The following SLC30A8 variants were observed in gnomAD, a reference collection of about 807,000 sequenced individuals.
SLC30A8 encodes the protein proton-coupled zinc antiporter SLC30A8.
A neutral mutation model predicts 36.9 loss-of-function variants in SLC30A8; 27 were observed. The observed-to-expected ratio is 0.73, with a 90% CI of 0.54 to 1.01. The LOEUF is 1.01. SLC30A8 is among the 50% of genes least tolerant of loss of function. The probability of loss-of-function intolerance (pLI) is 0.00; values close to 1 mark genes in which losing one functional copy is unlikely to be tolerated. For synonymous variants in SLC30A8, 164 were observed against 172.4 expected, an observed-to-expected ratio of 0.95 and a Z score of 0.38; for missense variants, 439 against 452.0, an observed-to-expected ratio of 0.97 and a Z score of 0.26.
At chr8:117,130,455 GA>G (rs1237277070), upstream of SLC30A8, among the ~76,000 whole-genome samples, 15 of 151,976 alleles carry the variant, frequency 9.9e-5, no homozygotes, top group East Asian at 1.6e-3. Context: ...ACCTTTCACT[GA>G]AGGAAAATAA....
At chr8:117,102,460 A>C (rs1586518956) in intron 2 of SLC30A8, among the ~76,000 whole-genome samples, 1 of 152,060 alleles carries the variant, frequency 6.6e-6, no homozygotes, top group Non-Finnish European at 1.5e-5. Context: ...ATCTCTCATC[A>C]CCCTGGTTAC....
Position 117,011,481 on chromosome 8 carries a change from T to C in SLC30A8, c.-265-27738T>C, listed in dbSNP as rs78950697. On this transcript the variant is annotated intron_variant, in intron 1 of 10. Transcript: ENST00000427715. ...AGTAGATAGTTTCCAAATTAAACAC[T>C]TCTACCCTGTTCTATACCAACTCCT... Among the ~76,000 whole-genome samples the C allele has an allele frequency of 2.6e-3, 399 of 152,314 alleles. 2 individuals carry two copies. Among genetic ancestry groups the C allele is most frequent in the African/African-American group, 9.2e-3 (382 of 41,574 alleles).
At chr8:117,082,998 C>T (rs1364516570) in intron 2 of SLC30A8, among the ~76,000 whole-genome samples, 1 of 152,146 alleles carries the variant, frequency 6.6e-6, no homozygotes. Flanking sequence ...ATGACCGTGA[C>T]TAAAAGACAT....
intron 1 of SLC30A8, among the ~76,000 whole-genome samples, chr8:117,033,960 T>A (rs1054225684): frequency 2.0e-5 from 3 of 152,248 alleles, no homozygotes; most frequent in Non-Finnish European, 4.4e-5. Flanking sequence ...ATTGGCCTCA[T>A]TGCTGAAAAG....
At chr8:117,078,130 AC>A (rs1818548222) in intron 2 of SLC30A8, among the ~76,000 whole-genome samples, 1 of 152,236 alleles carries the variant, frequency 6.6e-6, no homozygotes, top group South Asian at 2.1e-4. Flanking sequence ...TTAAGCCAAA[AC>A]CATTCTTCCA....
chr8:117,084,857 C>T (rs371646565), intron 2 of SLC30A8, among the ~76,000 whole-genome samples: 26 of 152,200 alleles, frequency 1.7e-4, no homozygotes, highest in African/African-American at 5.8e-4. Flanking sequence ...TGACTCTATT[C>T]CTTGCAAAAT....
intron 6 of SLC30A8, 81 bp from the exon 7 acceptor site, chr8:117,170,953 G>C (rs1823346381): frequency 7.8e-7 from 1 of 1,276,910 alleles, no homozygotes; most frequent in Non-Finnish European, 1.1e-6. Context: ...ATTTTGGTGA[G>C]GACTTTGCAG....
intron 2 of SLC30A8, among the ~76,000 whole-genome samples, chr8:117,052,694 G>T (rs148626206): frequency 5.9e-4 from 90 of 152,276 alleles, no homozygotes; most frequent in African/African-American, 1.8e-3. Flanking sequence ...ATTCTACATA[G>T]AGGCATGAGC....
At chr8:117,108,247 G>T (rs549070411) in intron 2 of SLC30A8, among the ~76,000 whole-genome samples, 93 of 152,186 alleles carry the variant, frequency 6.1e-4, no homozygotes, top group African/African-American at 2.0e-3. Flanking sequence ...CCTGCACAAG[G>T]ACTGCTGGTT....
intron 1 of SLC30A8, among the ~76,000 whole-genome samples, chr8:116,979,813 T>G (rs1048890563): frequency 5.3e-5 from 8 of 152,156 alleles, no homozygotes; most frequent in African/African-American, 1.9e-4. Context: ...CCTGGACCTT[T>G]TTACCCAGGA....
At chr8:117,112,297 C>T (rs1210245830) in intron 2 of SLC30A8, among the ~76,000 whole-genome samples, 3 of 152,130 alleles carry the variant, frequency 2.0e-5, no homozygotes, top group Non-Finnish European at 4.4e-5. Context: ...TTCTGTCTCA[C>T]CAACCATTCA....
chr8:116,997,300 A>G (rs918494758), intron 1 of SLC30A8, among the ~76,000 whole-genome samples: 1 of 152,168 alleles, frequency 6.6e-6, no homozygotes, highest in African/African-American at 2.4e-5. Flanking sequence ...CACACTTTAA[A>G]ATGTAATCTA....
chr8:116,967,879 T>C (rs1203596645), intron 1 of SLC30A8, among the ~76,000 whole-genome samples: 1 of 152,178 alleles, frequency 6.6e-6, no homozygotes, highest in Non-Finnish European at 1.5e-5. Flanking sequence ...CTGTAGGCAA[T>C]ATGAATCGTC....
intron 2 of SLC30A8, among the ~76,000 whole-genome samples, chr8:117,076,255 C>G (rs1404137618): frequency 6.6e-6 from 1 of 152,134 alleles, no homozygotes; most frequent in Non-Finnish European, 1.5e-5. Flanking sequence ...CCAGGTAACA[C>G]CATCTTCCAA....
intron 2 of SLC30A8, among the ~76,000 whole-genome samples, chr8:117,039,620 AG>A (rs1817321395): frequency 6.6e-6 from 1 of 152,234 alleles, no homozygotes; most frequent in African/African-American, 2.4e-5. Flanking sequence ...AGTCTCTTCA[AG>A]GACAGAAGAG....
At chr8:117,104,318 AG>A (rs1272062268) in intron 2 of SLC30A8, among the ~76,000 whole-genome samples, 1 of 152,134 alleles carries the variant, frequency 6.6e-6, no homozygotes. Flanking sequence ...TGGGAACCTC[AG>A]TTAAATATCC....
intron 1 of SLC30A8, among the ~76,000 whole-genome samples, chr8:116,990,312 GA>G (rs1815589354): frequency 6.6e-6 from 1 of 150,778 alleles, no homozygotes; most frequent in Non-Finnish European, 1.5e-5. Flanking sequence ...ATAGTGTTTA[GA>G]AAGGAAAAAA....
intron 1 of SLC30A8, among the ~76,000 whole-genome samples, chr8:116,985,289 CACAT>C (rs1391372128): frequency 8.6e-5 from 10 of 115,672 alleles, no homozygotes; most frequent in South Asian, 2.8e-4. Context: ...CATGCTCACA[CACAT>C]ACACACACAC....
chr8:116,978,504 G>A (rs1815135274), intron 1 of SLC30A8, among the ~76,000 whole-genome samples: 1 of 152,076 alleles, frequency 6.6e-6, no homozygotes, highest in East Asian at 1.9e-4. Flanking sequence ...GAGGTGATTA[G>A]TAATATTGCA....
Sources: allele counts gnomAD v4.1 joint callset (sites outside exome capture counted in the v4.1 genomes callset), GRCh38; gene constraint gnomAD v4.1.1; transcripts MANE v1.5; gene names NCBI Gene and HGNC (gene_info 2026-07-23, HGNC 2026-07-21).